Variants in CEP192 observed in about 807,000 individuals in gnomAD.
CEP192 encodes centrosomal protein 192.
CEP192 carries 151 observed loss-of-function variants against 271.8 expected under a neutral mutation model. The ratio of observed to expected loss-of-function variants is 0.56; its 90% CI spans 0.49 to 0.64. The LOEUF is 0.64. CEP192 is among the 30% of genes least tolerant of loss of function. The pLI is 0.00. For missense variants in CEP192, 2,910 were observed against 3,020.5 expected, an observed-to-expected ratio of 0.96 and a Z score of 0.86; for synonymous variants, 995 against 1,076.5, an observed-to-expected ratio of 0.92 and a Z score of 1.48.
intron 2 of CEP192, chr18:13,000,214 T>G (rs1310261962): frequency 7.1e-6 from 1 of 140,900 alleles, no homozygotes; most frequent in Non-Finnish European, 1.5e-5. Context: ...TGCCTCAACT[T>G]CCCAAAGTGT....
rs1451901432 is a variant in CEP192 at position 13,040,975 on chromosome 18, G to C, written c.1936+19G>C. 4.4e-6 allele frequency: 7 copies of C among 1,584,698 alleles called. No individual in the cohort carries two copies. Among genetic ancestry groups the C allele is most frequent in the Non-Finnish European group, 5.1e-6 (6 of 1,170,118 alleles). On this transcript the variant is annotated intron_variant, in intron 14 of 44. Transcript: ENST00000506447. Reference sequence around the variant, plus strand: ...TATTCAGGTAATGGATTCAATGAAGGGGCTTTTAGGAATCTTTTTTTTCTT... The same window carrying C: ...TATTCAGGTAATGGATTCAATGAAGCGGCTTTTAGGAATCTTTTTTTTCTT...
chr18:13,046,938 T>C (rs893349315), intron 15 of CEP192, among the ~76,000 whole-genome samples: 1 of 152,114 alleles, frequency 6.6e-6, no homozygotes, highest in Non-Finnish European at 1.5e-5. Flanking sequence ...TTGCTTGCTA[T>C]AGAATTGTTA....
chr18:13,067,391 C>T (rs764741034), intron 21 of CEP192, among the ~76,000 whole-genome samples: 10 of 152,090 alleles, frequency 6.6e-5, no homozygotes, highest in Non-Finnish European at 1.2e-4. Flanking sequence ...GTGAGTCTGT[C>T]ATGATCATAG....
rs2036626686 is a variant in CEP192 at position 13,048,984 on chromosome 18, T to C, written c.2193T>C (p.Pro731=). ...CAGAGGCATCAGTTAATACTGATCC[T>C]TCCCAACTTGCTGCAATGATCAAGG... ...AIAEASVNTD[P]SQLAAMIKAL... is the part of the protein sequence containing the mutation. Residue 731 remains proline, a synonymous_variant, in exon 16 of 45, where the codon CCT becomes CCC. Transcript: ENST00000506447. 1 of 1,614,024 alleles carries C rather than the reference T, an allele frequency of 6.2e-7. No homozygotes were observed. Among genetic ancestry groups the C allele is most frequent in the Non-Finnish European group, 8.5e-7 (1 of 1,179,986 alleles).
chr18:13,012,370 C>T (rs2034412742), intron 4 of CEP192, among the ~76,000 whole-genome samples: 2 of 152,150 alleles, frequency 1.3e-5, no homozygotes, highest in African/African-American at 2.4e-5. Context: ...CATCATCTCT[C>T]CTTTTCACTA....
chr18:13,024,328 G>T (rs1329700561), intron 9 of CEP192: 4 of 456,222 alleles, frequency 8.8e-6, no homozygotes, highest in Admixed American at 4.7e-5. Context: ...CTTTTGACTA[G>T]TGTTTTAATG....
At chr18:13,123,395 A>G (rs1420808727) in intron 44 of CEP192, among the ~76,000 whole-genome samples, 2 of 152,212 alleles carry the variant, frequency 1.3e-5, no homozygotes, top group South Asian at 2.1e-4. Context: ...AACATACACT[A>G]TTTGTGTTAT....
At chr18:13,118,572 C>A (rs1342752143) in intron 44 of CEP192, among the ~76,000 whole-genome samples, 1 of 152,216 alleles carries the variant, frequency 6.6e-6, no homozygotes, top group East Asian at 1.9e-4. Flanking sequence ...CTAAACCCTT[C>A]CTTTCCCTCC....
chr18:13,085,204 G>A (rs2038840215), intron 30 of CEP192, among the ~76,000 whole-genome samples: 1 of 151,998 alleles, frequency 6.6e-6, no homozygotes, highest in Non-Finnish European at 1.5e-5. Flanking sequence ...CTTTTGAGAA[G>A]TATCTGTTCA....
At chr18:13,104,042 G>A (rs117947853) in intron 39 of CEP192, 11,960 of 348,284 alleles carry the variant, frequency 0.034, 257 homozygotes, top group Middle Eastern at 0.09. Flanking sequence ...CTTTAGATGA[G>A]GATGATATAT....
In CEP192 at chr18:13,056,611, C is replaced by G; in HGVS notation, c.4021C>G (p.Leu1341Val). 6.2e-7 allele frequency: 1 copy of G among 1,614,168 alleles called. No individual in the cohort carries two copies. The highest frequency in any genetic ancestry group is 8.5e-7 in the Non-Finnish European group (1 of 1,180,012). Reference sequence around the variant, plus strand: ...TTCTAATACCTTAAATCAGAACCTGCTAAGCACAACAAAACCTTTTCCTGT... The same window carrying G: ...TTCTAATACCTTAAATCAGAACCTGGTAAGCACAACAAAACCTTTTCCTGT... ...PYSNTLNQNL[L>V]STTKPFPVPS... is the part of the protein sequence containing the mutation. The change falls in exon 19 of 45, where the codon CTA becomes GTA. Residue 1341 changes from leucine to valine, a missense_variant. Physicochemically the swap from Leu to Val is conservative, Grantham distance 32. Coordinates refer to ENST00000506447, the MANE Select transcript of CEP192 (RefSeq NM_032142.4).
chr18:13,092,666 G>A (rs1186958550), intron 34 of CEP192, 139 bp downstream of exon 34: 2 of 690,064 alleles, frequency 2.9e-6, no homozygotes, highest in Admixed American at 3.3e-5. Flanking sequence ...TAAAATTTAA[G>A]TTGAAATAAT....
intron 14 of CEP192, 36 bp downstream of exon 14, chr18:13,040,992 T>C: frequency 2.5e-6 from 4 of 1,574,700 alleles, no homozygotes; most frequent in Non-Finnish European, 3.4e-6. Flanking sequence ...TAGGAATCTT[T>C]TTTTTCTTAA....
chr18:13,001,799 G>A (rs541124474), intron 3 of CEP192, among the ~76,000 whole-genome samples: 4 of 152,286 alleles, frequency 2.6e-5, no homozygotes, highest in African/African-American at 7.2e-5. Context: ...TGCCTCCCTG[G>A]TTCAAGTGAT....
chr18:13,032,943 A>G (rs559232043), intron 11 of CEP192, among the ~76,000 whole-genome samples: 1 of 152,354 alleles, frequency 6.6e-6, no homozygotes, highest in East Asian at 1.9e-4. Flanking sequence ...CTATAGTTCT[A>G]TTTGTATACA....
intron 4 of CEP192, among the ~76,000 whole-genome samples, chr18:13,010,574 C>T (rs539288766): frequency 2.4e-4 from 36 of 152,266 alleles, no homozygotes; most frequent in South Asian, 8.3e-4. Flanking sequence ...GGGCCGGGCA[C>T]GGTGGCTCAC....
At chr18:13,083,992 G>GGGCA (rs1404661608) in intron 30 of CEP192, among the ~76,000 whole-genome samples, 1 of 152,130 alleles carries the variant, frequency 6.6e-6, no homozygotes, top group Non-Finnish European at 1.5e-5. Flanking sequence ...TCCTCTGGCA[G>GGGCA]CTTCGTCCCA....
At chr18:13,026,094 C>T (rs2035283277) in intron 9 of CEP192, among the ~76,000 whole-genome samples, 1 of 152,184 alleles carries the variant, frequency 6.6e-6, no homozygotes, top group South Asian at 2.1e-4. Context: ...GAAGGTATTT[C>T]CCTTTCATGT....
intron 21 of CEP192, among the ~76,000 whole-genome samples, chr18:13,063,082 T>C (rs2037497058): frequency 6.6e-6 from 1 of 152,234 alleles, no homozygotes; most frequent in Non-Finnish European, 1.5e-5. Context: ...GGCTGAATCG[T>C]ACTCCATTGT....
Sources: gnomAD v4.1 joint callset for allele counts (sites outside exome capture counted in the v4.1 genomes callset) on GRCh38, gnomAD v4.1.1 for gene constraint, MANE v1.5 for transcripts, NCBI Gene and HGNC (gene_info 2026-07-23, HGNC 2026-07-21) for gene names.